Variants in CDH26 observed in about 807,000 individuals in gnomAD.
CDH26 encodes the protein cadherin 26, also known as cadherin-like protein 26.
A neutral mutation model predicts 90.3 loss-of-function variants in CDH26; 83 were observed. The observed-to-expected ratio is 0.92, with a 90% CI of 0.77 to 1.10. The LOEUF (loss-of-function observed/expected upper bound fraction) is 1.10, where lower values mean the gene tolerates loss of function less well. CDH26 is among the 50% of genes least tolerant of loss of function. The pLI is 0.00. For missense variants in CDH26, 1,013 were observed against 1,037.6 expected (o/e 0.98, Z 0.33); for synonymous variants, 397 against 396.3 (o/e 1.00, Z -0.02).
intron 9 of CDH26, among the ~76,000 whole-genome samples, chr20:59,990,794 A>G (rs1485563663): frequency 3.9e-5 from 6 of 151,966 alleles, no homozygotes; most frequent in Non-Finnish European, 7.4e-5. Flanking sequence ...CTGTCAAACT[A>G]TAGTGTGTAT....
chr20:59,995,433 G>T (rs1488938650), intron 11 of CDH26, among the ~76,000 whole-genome samples: 2 of 152,180 alleles, frequency 1.3e-5, no homozygotes, highest in African/African-American at 4.8e-5. Context: ...AGCATCCCAT[G>T]TGTGCTGTCC....
chr20:59,972,192 C>G, intron 4 of CDH26, 69 bp downstream of exon 4: 2 of 1,468,660 alleles, frequency 1.4e-6, no homozygotes, highest in African/African-American at 1.4e-5. Context: ...ATTTGGTAAG[C>G]ATTATTTAAG....
intron 17 of CDH26, among the ~76,000 whole-genome samples, chr20:60,009,292 C>T (rs190215161): frequency 6.6e-6 from 1 of 152,300 alleles, no homozygotes; most frequent in Non-Finnish European, 1.5e-5. Flanking sequence ...GCCTTAATTT[C>T]TCATCTACAA....
chr20:59,984,829 T>C lies in CDH26; in HGVS notation c.708+24T>C, dbSNP rs1405064279. On this transcript the variant is annotated intron_variant, in intron 6 of 17. Coordinates refer to ENST00000348616, the MANE Select transcript of CDH26 (RefSeq NM_177980.4). Reference sequence around the variant, plus strand: ...AGGTTATGTGGATTTTATTATTTTTTTTAAATGAAATGTGTGGCCCATCCT... The same window carrying C: ...AGGTTATGTGGATTTTATTATTTTTCTTAAATGAAATGTGTGGCCCATCCT... 13 of 1,592,526 alleles carry C rather than the reference T, an allele frequency of 8.2e-6. No individual in the cohort carries two copies. The East Asian group carries it at 2.9e-4, about 36-fold the overall frequency.
At chr20:60,009,682 G>A (rs1396092683) in intron 17 of CDH26, among the ~76,000 whole-genome samples, 2 of 152,194 alleles carry the variant, frequency 1.3e-5, no homozygotes, top group East Asian at 3.9e-4. Flanking sequence ...AACTTGGATG[G>A]TGGTGTATGA....
At position 59,989,092 on chromosome 20, in the gene CDH26, T is replaced by A. The variant is rs2061494821; in HGVS notation, c.1212T>A (p.Asn404Lys). The A allele has an allele frequency of 1.9e-6, 3 of 1,613,868 alleles. No homozygotes were observed. In the African/African-American group the frequency reaches 4.0e-5, roughly 22 times the overall value. ...TTCACCCCCAGAGCTTCATTGTCAA[T>A]AAAGAGGAGGGCGCCAGGCCTGGGA... The part of the protein sequence containing the change: ...PAFHPQSFIV[N>K]KEEGARPGTL... Residue 404 changes from asparagine (N) to lysine (K), a missense_variant, in exon 9 of 18, where the codon AAT becomes AAA. By Grantham distance (94) the Asn-to-Lys change is moderately conservative. Coordinates refer to ENST00000348616, the MANE Select transcript of CDH26 (RefSeq NM_177980.4).
At chr20:59,966,958 T>A (rs2061156524) in intron 1 of CDH26, among the ~76,000 whole-genome samples, 1 of 150,864 alleles carries the variant, frequency 6.6e-6, no homozygotes, top group Admixed American at 6.6e-5. Context: ...ACACACATCC[T>A]CCCCCAAAAT....
At chr20:60,004,899 A>T (rs2061726526) in intron 16 of CDH26, among the ~76,000 whole-genome samples, 2 of 152,010 alleles carry the variant, frequency 1.3e-5, no homozygotes. Flanking sequence ...GCCGTGCATA[A>T]CTGTATGTAT....
chr20:59,989,104 C>T lies in CDH26; in HGVS notation c.1224C>T (p.Gly408=), dbSNP rs1186266149. 6.8e-6 allele frequency: 11 copies of T among 1,614,168 alleles called. No homozygotes were observed. Among genetic ancestry groups the T allele is most frequent in the South Asian group, 3.3e-5 (3 of 91,082 alleles). ...GCTTCATTGTCAATAAAGAGGAGGG[C>T]GCCAGGCCTGGGACCCTGTTGGGAA... ...PQSFIVNKEE[G]ARPGTLLGTF... The change falls in exon 9 of 18, where the codon GGC becomes GGT. Residue 408 remains glycine (G), a synonymous_variant. Coordinates refer to ENST00000348616, the MANE Select transcript of CDH26 (RefSeq NM_177980.4).
At chr20:60,020,722 G>C (rs754180349) in intron 7 of CDH26, among the ~76,000 whole-genome samples, 1 of 152,186 alleles carries the variant, frequency 6.6e-6, no homozygotes, top group Non-Finnish European at 1.5e-5. Context: ...GGGTGGGTAT[G>C]TGTGGGTGAG....
At chr20:59,990,652 G>A (rs2061516635) in intron 9 of CDH26, among the ~76,000 whole-genome samples, 1 of 152,172 alleles carries the variant, frequency 6.6e-6, no homozygotes, top group African/African-American at 2.4e-5. Context: ...CAATGCTGAT[G>A]ACTCTAAGGG....
In CDH26 at chr20:59,970,178, A is replaced by T; in HGVS notation, c.223A>T (p.Ile75Phe). 6.2e-7 allele frequency: 1 copy of T among 1,612,644 alleles called. No individual in the cohort carries two copies. Among genetic ancestry groups the T allele is most frequent in the Non-Finnish European group, 8.5e-7 (1 of 1,179,052 alleles). The change falls in exon 3 of 18, where the codon ATT (isoleucine) becomes TTT (phenylalanine). Residue 75 changes from isoleucine (I) to phenylalanine (F), a missense_variant. Ile to Phe is a conservative substitution (Grantham distance 21, BLOSUM62 0). Transcript: ENST00000348616. ...AGACCCGGGACCCTTTCCCAAACTC[A>T]TTGGTGAGGTAAGGTGCCTACTCTT... ...EEDPGPFPKL[I>F]GELFNNMSYN...
chr20:60,012,422 T>G lies in CDH26; in HGVS notation c.2296-105T>G. 5.8e-6 allele frequency: 6 copies of G among 1,027,392 alleles called. No individual in the cohort carries two copies. In the South Asian group the frequency reaches 9.5e-5, roughly 16 times the overall value. The allele number at this position is 1,027,392 out of a possible 1,614,324, so 63.6% of individuals were successfully genotyped here. ...GTCAGCTGAGGACACGGGGCCTGAG[T>G]GCTGTTACTACTGCATTGATGTGTT... On this transcript the variant is annotated intron_variant, in intron 17 of 17. Coordinates refer to ENST00000348616, the MANE Select transcript of CDH26 (RefSeq NM_177980.4).
chr20:60,018,298 G>A (rs1370435251), downstream of CDH26, among the ~76,000 whole-genome samples: 1 of 151,912 alleles, frequency 6.6e-6, no homozygotes, highest in Non-Finnish European at 1.5e-5. Flanking sequence ...TTGGGTGCAT[G>A]TTTATTTATA....
intron 13 of CDH26, 120 bp downstream of exon 13, chr20:59,996,881 G>A (rs2061605239): frequency 1.5e-6 from 2 of 1,322,068 alleles, no homozygotes; most frequent in Non-Finnish European, 2.1e-6. Context: ...CCGTGTTTCA[G>A]TAGCAAGTGG....
chr20:59,991,570 T>C (rs2061528133), intron 9 of CDH26, among the ~76,000 whole-genome samples: 1 of 152,188 alleles, frequency 6.6e-6, no homozygotes, highest in African/African-American at 2.4e-5. Context: ...GGTGAAGCAG[T>C]GCACAAAAAG....
chr20:60,001,228 G>A, intron 14 of CDH26, 115 bp from the exon 15 acceptor site: 1 of 1,259,916 alleles, frequency 7.9e-7, no homozygotes, highest in Non-Finnish European at 1.1e-6. Flanking sequence ...GTTAATTTGT[G>A]TTTGCCTATG....
At chr20:59,989,787 C>G (rs1457416798) in intron 9 of CDH26, among the ~76,000 whole-genome samples, 3 of 152,152 alleles carry the variant, frequency 2.0e-5, no homozygotes, top group Non-Finnish European at 2.9e-5. Context: ...TTTCTGTCTC[C>G]CCCTCTGTAC....
At chr20:60,028,293 G>T (rs1479272994) in intron 7 of CDH26, among the ~76,000 whole-genome samples, 3 of 152,204 alleles carry the variant, frequency 2.0e-5, no homozygotes, top group Non-Finnish European at 4.4e-5. Flanking sequence ...TGATATAAAT[G>T]GGATTATACA....
Sources: gnomAD v4.1 joint callset for allele counts (sites outside exome capture counted in the v4.1 genomes callset) on GRCh38, gnomAD v4.1.1 for gene constraint, MANE v1.5 for transcripts, NCBI Gene and HGNC (gene_info 2026-07-23, HGNC 2026-07-21) for gene names.